NRXN3: variants seen among roughly 807,000 people sequenced by gnomAD.
NRXN3 encodes the protein neurexin 3.
In NRXN3, 32 loss-of-function variants were observed where a neutral mutation model predicts 137.6. That is an observed-to-expected ratio of 0.23 (90% CI 0.18 to 0.31). The LOEUF is 0.31. NRXN3 is among the 10% of genes least tolerant of loss of function. The probability of loss-of-function intolerance (pLI) is 1.00; values close to 1 mark genes in which losing one functional copy is unlikely to be tolerated. For synonymous variants in NRXN3, 798 were observed against 784.5 expected (o/e 1.02, Z -0.29); for missense variants, 1,574 against 2,062.5 (o/e 0.76, Z 4.59).
chr14:79,726,812 A>G (rs2098892680), intron 19 of NRXN3, among the ~76,000 whole-genome samples: 1 of 152,130 alleles, frequency 6.6e-6, no homozygotes, highest in African/African-American at 2.4e-5. Context: ...TGTTCTCTGA[A>G]GATTCAGGTT....
chr14:79,658,582 C>T lies in NRXN3; in HGVS notation c.3445-5196C>T, dbSNP rs113444508. Among the ~76,000 whole-genome samples, 896 of 152,206 alleles carry T rather than the reference C, an allele frequency of 5.9e-3. 8 individuals are homozygous for T. Among genetic ancestry groups the T allele is most frequent in the African/African-American group, 0.019 (800 of 41,536 alleles). ...GTTCTCTTGGCCCAACCCATCACAACGAGACCCAAAAGTCCTCTCTTACTA... is the reference window on the plus strand; with the variant it reads ...GTTCTCTTGGCCCAACCCATCACAATGAGACCCAAAAGTCCTCTCTTACTA... On this transcript the variant is annotated intron_variant, in intron 16 of 20. Transcript: ENST00000335750.
At chr14:78,514,720 C>T (rs747530229) in intron 4 of NRXN3, among the ~76,000 whole-genome samples, 4 of 152,054 alleles carry the variant, frequency 2.6e-5, no homozygotes, top group African/African-American at 9.7e-5. Context: ...ACAGTAATAT[C>T]GTATAGTCAT....
Position 78,812,528 on chromosome 14 carries a change from CT to C in NRXN3, c.2275+2187del. ...ATTTGCTTTTGCTGTTCTATCCACA[CT>C]TTCTCATGAAGTCAATCCCATATAT... On this transcript the variant is annotated intron_variant, in intron 10 of 20. Transcript: ENST00000335750. 2.6e-5 allele frequency among the ~76,000 whole-genome samples: 4 copies of C among 152,314 alleles called. No individual in the cohort carries two copies. The South Asian group carries it at 8.3e-4, about 32-fold the overall frequency.
At chr14:78,872,212 A>C (rs1445877746) in intron 10 of NRXN3, among the ~76,000 whole-genome samples, 1 of 148,874 alleles carries the variant, frequency 6.7e-6, no homozygotes, top group Non-Finnish European at 1.5e-5. Context: ...CTTTTGTTGA[A>C]TAAATCTTTG....
At chr14:78,734,802 G>A (rs1316837704) in intron 8 of NRXN3, among the ~76,000 whole-genome samples, 1 of 152,164 alleles carries the variant, frequency 6.6e-6, no homozygotes, top group Non-Finnish European at 1.5e-5. Context: ...AAGGAACAGA[G>A]GGTAAGTCAG....
At chr14:78,318,891 A>G (rs1253983774) in intron 4 of NRXN3, among the ~76,000 whole-genome samples, 1 of 152,240 alleles carries the variant, frequency 6.6e-6, no homozygotes, top group Non-Finnish European at 1.5e-5. Context: ...TTTCTAGGCC[A>G]GTGTGTCTCA....
chr14:79,690,535 A>G (rs979662942), intron 17 of NRXN3, among the ~76,000 whole-genome samples: 2 of 152,112 alleles, frequency 1.3e-5, no homozygotes, highest in Admixed American at 6.6e-5. Context: ...TATACCCTGT[A>G]CCAACCAGAT....
intron 20 of NRXN3, chr14:79,853,880 G>T: frequency 1.0e-6 from 1 of 988,088 alleles, no homozygotes; most frequent in South Asian, 4.5e-5. Context: ...AGGTTTTTTT[G>T]TTTGGTTTTT....
intron 4 of NRXN3, among the ~76,000 whole-genome samples, chr14:78,357,356 C>A (rs1324890572): frequency 6.6e-6 from 1 of 152,146 alleles, no homozygotes; most frequent in Non-Finnish European, 1.5e-5. Context: ...AGGCCCGCCG[C>A]CATAAATCAG....
chr14:79,279,664 T>C, intron 15 of NRXN3: 1 of 986,604 alleles, frequency 1.0e-6, no homozygotes, highest in Non-Finnish European at 1.2e-6. Context: ...CGGCGGCTGC[T>C]CCGTGGCGCT....
At chr14:79,630,931 A>C (rs539421106) in intron 16 of NRXN3, among the ~76,000 whole-genome samples, 47 of 152,330 alleles carry the variant, frequency 3.1e-4, no homozygotes, top group Non-Finnish European at 5.7e-4. Context: ...GTTTGGTACA[A>C]GCTCTGCATA....
chr14:78,235,861 C>A (rs1470474335), intron 1 of NRXN3, among the ~76,000 whole-genome samples: 3 of 152,036 alleles, frequency 2.0e-5, no homozygotes, highest in Non-Finnish European at 4.4e-5. Flanking sequence ...CTAGACATGA[C>A]CAAATTATGG....
intron 15 of NRXN3, among the ~76,000 whole-genome samples, chr14:79,347,409 AAT>A (rs1297850314): frequency 6.6e-6 from 1 of 151,924 alleles, no homozygotes; most frequent in African/African-American, 2.4e-5. Flanking sequence ...TGATTTTTAG[AAT>A]GAGGCAACGT....
rs2099335323 is a variant in NRXN3 at position 79,835,070 on chromosome 14, ACTTAG to A, written c.4094-26270_4094-26266del. Among the ~76,000 whole-genome samples the A allele has an allele frequency of 2.0e-5, 3 of 152,214 alleles. No homozygotes were observed. The South Asian group carries it at 6.2e-4, about 32-fold the overall frequency. The stretch of plus-strand genomic sequence containing the variant: ...TATTTGTCTGTGCATGGTCCATTTC[ACTTAG>A]CATAATAGGGGGACTAAGTTCAAGA... On this transcript the variant is annotated intron_variant, in intron 20 of 20. Transcript: ENST00000335750.
intron 15 of NRXN3, among the ~76,000 whole-genome samples, chr14:78,995,734 G>T (rs2099528685): frequency 6.6e-6 from 1 of 152,266 alleles, no homozygotes; most frequent in Middle Eastern, 3.4e-3. Flanking sequence ...GAATGAATGT[G>T]TGTCAAATTT....
At chr14:79,387,954 G>A in intron 15 of NRXN3, among the ~76,000 whole-genome samples, 1 of 119,848 alleles carries the variant, frequency 8.3e-6, no homozygotes, top group Non-Finnish European at 1.7e-5. Flanking sequence ...GGCCTGTTGT[G>A]GGGTGGGGGG....
intron 8 of NRXN3, among the ~76,000 whole-genome samples, chr14:78,794,860 A>G (rs1472977263): frequency 2.6e-5 from 4 of 152,028 alleles, no homozygotes; most frequent in African/African-American, 9.7e-5. Flanking sequence ...GAATCACTTG[A>G]GTCCAGGTGT....
intron 2 of NRXN3, among the ~76,000 whole-genome samples, chr14:78,246,111 G>A (rs2067633046): frequency 6.6e-6 from 1 of 152,166 alleles, no homozygotes; most frequent in South Asian, 2.1e-4. Context: ...AGGGACCAGG[G>A]TGTTTGCAAG....
intron 16 of NRXN3, among the ~76,000 whole-genome samples, chr14:79,631,127 G>A (rs985117550): frequency 6.6e-6 from 1 of 152,176 alleles, no homozygotes; most frequent in Non-Finnish European, 1.5e-5. Context: ...GTTTCAGAAA[G>A]GGTTGTAAAG....
Sources: gnomAD v4.1 joint callset for allele counts (sites outside exome capture counted in the v4.1 genomes callset) on GRCh38, gnomAD v4.1.1 for gene constraint, MANE v1.5 for transcripts, NCBI Gene and HGNC (gene_info 2026-07-23, HGNC 2026-07-21) for gene names.